IL1RAPL1: variants seen among roughly 807,000 people sequenced by gnomAD.
The protein encoded by IL1RAPL1 is interleukin 1 receptor accessory protein like 1.
Under a neutral mutation model 48.4 loss-of-function variants are expected in IL1RAPL1, and 3 were observed. The ratio of observed to expected loss-of-function variants is 0.06; its 90% CI spans 0.03 to 0.16. IL1RAPL1 has a LOEUF of 0.16. IL1RAPL1 is among the 10% of genes least tolerant of loss of function. IL1RAPL1 has a pLI of 1.00. For synonymous variants in IL1RAPL1, 185 were observed against 187.7 expected (o/e 0.99, Z 0.12); for missense variants, 349 against 530.6 (o/e 0.66, Z 3.36).
chrX:29,547,656 A>G lies in IL1RAPL1; in HGVS notation c.704-120774A>G, dbSNP rs142756025. 1.4e-4 allele frequency among the ~76,000 whole-genome samples: 16 copies of G among 111,841 alleles called. No individual in the cohort carries two copies. The East Asian group carries it at 4.5e-3, about 31-fold the overall frequency. ...ATTATCTAAACTCTAAATCTATAAT[A>G]TGTCATTGGAAAGAAAAGGGTTCCG... On this transcript the variant is annotated intron_variant, in intron 5 of 10. Coordinates refer to ENST00000378993, the MANE Select transcript of IL1RAPL1 (RefSeq NM_014271.4).
At chrX:28,856,414 T>A (rs189133611) in intron 2 of IL1RAPL1, among the ~76,000 whole-genome samples, 1 of 112,037 alleles carries the variant, frequency 8.9e-6, no homozygotes, top group East Asian at 2.8e-4. Flanking sequence ...AGTACTATTT[T>A]GACACAGATA....
At chrX:29,271,005 A>ACTC (rs1932033398) in intron 2 of IL1RAPL1, among the ~76,000 whole-genome samples, 4 of 110,104 alleles carry the variant, frequency 3.6e-5, no homozygotes, top group African/African-American at 1.3e-4. Context: ...CAATGTTCAC[A>ACTC]CTCCTCCCAC....
intron 1 of IL1RAPL1, among the ~76,000 whole-genome samples, chrX:28,732,218 G>A (rs560809112): frequency 2.7e-5 from 3 of 112,262 alleles, no homozygotes; most frequent in East Asian, 5.6e-4. Context: ...TTATGAGATC[G>A]TTAAATTAAG....
chrX:29,036,714 A>G (rs768821749), intron 2 of IL1RAPL1, among the ~76,000 whole-genome samples: 6 of 111,413 alleles, frequency 5.4e-5, no homozygotes, highest in African/African-American at 2.0e-4. Context: ...TTCTTCATCT[A>G]ATTCACCAAA....
chrX:29,140,879 C>T lies in IL1RAPL1; in HGVS notation c.83-142059C>T, dbSNP rs148741949. On this transcript the variant is annotated intron_variant, in intron 2 of 10. Coordinates refer to ENST00000378993, the MANE Select transcript of IL1RAPL1 (RefSeq NM_014271.4). ...TTATGACCTAATTACCTGCTAAACA[C>T]CCCATCTCTTAATACTGTTACATTG... Among the ~76,000 whole-genome samples the T allele has an allele frequency of 6.4e-3, 710 of 111,269 alleles. 7 individuals are homozygous for T. Among genetic ancestry groups the T allele is most frequent in the African/African-American group, 0.022 (667 of 30,600 alleles).
At chrX:29,404,751 C>T (rs1465721136) in intron 5 of IL1RAPL1, among the ~76,000 whole-genome samples, 1 of 111,888 alleles carries the variant, frequency 8.9e-6, no homozygotes, top group Non-Finnish European at 1.9e-5. Flanking sequence ...AGTTTCTATT[C>T]CATACACTTT....
intron 5 of IL1RAPL1, among the ~76,000 whole-genome samples, chrX:29,656,777 C>T (rs754400398): frequency 1.4e-4 from 16 of 111,085 alleles, no homozygotes; most frequent in African/African-American, 2.9e-4. Context: ...TCTGAAGTTC[C>T]GGAATGGCTT....
At chrX:29,050,128 A>G (rs1927061007) in intron 2 of IL1RAPL1, among the ~76,000 whole-genome samples, 1 of 111,387 alleles carries the variant, frequency 9.0e-6, no homozygotes, top group South Asian at 3.8e-4. Context: ...CCCAGGCTGG[A>G]TTTGAATTCC....
At chrX:29,557,671 C>G (rs1452721721) in intron 5 of IL1RAPL1, among the ~76,000 whole-genome samples, 2 of 111,476 alleles carry the variant, frequency 1.8e-5, no homozygotes, top group East Asian at 5.6e-4. Context: ...AACATCTCCC[C>G]ATTTTCCCTA....
rs187913494 is a variant in IL1RAPL1, at chrX:29,930,530, G to A, written c.1057+10436G>A. On this transcript the variant is annotated intron_variant, in intron 8 of 10. Transcript: ENST00000378993. ...GAGATGCATTAAATAATTTAGTGAA[G>A]TATTAACAGTGGTTACCTCGAGGTG... Among the ~76,000 whole-genome samples, 791 of 111,798 alleles carry A rather than the reference G, an allele frequency of 7.1e-3. 2 individuals carry two copies. Among genetic ancestry groups the A allele is most frequent in the Middle Eastern group, 0.018 (4 of 218 alleles).
intron 5 of IL1RAPL1, among the ~76,000 whole-genome samples, chrX:29,577,217 T>C (rs772953748): frequency 8.9e-6 from 1 of 112,203 alleles, no homozygotes; most frequent in South Asian, 3.7e-4. Flanking sequence ...TCTTTGCATT[T>C]TCAGTAGTGT....
At chrX:29,888,811 CAG>C (rs917696820) in intron 6 of IL1RAPL1, among the ~76,000 whole-genome samples, 1 of 111,599 alleles carries the variant, frequency 9.0e-6, no homozygotes, top group Non-Finnish European at 1.9e-5. Flanking sequence ...AGAAAAATAA[CAG>C]AGGTAATCTG....
chrX:28,607,026 C>A (rs764462103), intron 1 of IL1RAPL1, among the ~76,000 whole-genome samples: 1 of 110,082 alleles, frequency 9.1e-6, no homozygotes, highest in Non-Finnish European at 1.9e-5. Context: ...ATAGTTATAA[C>A]GGAAAGTCTT....
intron 1 of IL1RAPL1, among the ~76,000 whole-genome samples, chrX:28,631,298 G>A (rs1257981572): frequency 8.9e-6 from 1 of 111,827 alleles, no homozygotes; most frequent in Non-Finnish European, 1.9e-5. Flanking sequence ...GAAATAAATA[G>A]TATAGGTGAG....
chrX:29,192,989 GTAT>G (rs1021857411), intron 2 of IL1RAPL1, among the ~76,000 whole-genome samples: 1 of 110,401 alleles, frequency 9.1e-6, no homozygotes, highest in Non-Finnish European at 1.9e-5. Flanking sequence ...CCAAAGAATA[GTAT>G]TATTATTATT....
chrX:28,655,290 C>T (rs570641728), intron 1 of IL1RAPL1, among the ~76,000 whole-genome samples: 14 of 108,512 alleles, frequency 1.3e-4, no homozygotes, highest in South Asian at 7.9e-4. Flanking sequence ...ATAAATGAAA[C>T]GAACAAAAAT....
At chrX:28,876,855 A>C (rs1198483879) in intron 2 of IL1RAPL1, among the ~76,000 whole-genome samples, 1 of 112,023 alleles carries the variant, frequency 8.9e-6, no homozygotes, top group Non-Finnish European at 1.9e-5. Context: ...CACAAGAATA[A>C]AACTGATTTT....
chrX:29,522,909 G>T (rs906121182), intron 5 of IL1RAPL1, among the ~76,000 whole-genome samples: 16 of 110,522 alleles, frequency 1.4e-4, no homozygotes, highest in African/African-American at 5.3e-4. Flanking sequence ...TCTCTCATCT[G>T]TGTTCTCTCT....
chrX:29,145,209 A>T lies in IL1RAPL1; in HGVS notation c.83-137729A>T, dbSNP rs562898951. On this transcript the variant is annotated intron_variant, in intron 2 of 10. Transcript: ENST00000378993. The stretch of plus-strand genomic sequence containing the variant: ...TGGGGGTATTTCTGAAAATCAGTAA[A>T]GACTATGCACAGCCATTTTATGTTT... 7.1e-5 allele frequency among the ~76,000 whole-genome samples: 8 copies of T among 112,071 alleles called. No individual in the cohort carries two copies. The East Asian group carries it at 2.0e-3, about 28-fold the overall frequency.
Sources: allele counts gnomAD v4.1 joint callset (sites outside exome capture counted in the v4.1 genomes callset), GRCh38; gene constraint gnomAD v4.1.1; transcripts MANE v1.5; gene names NCBI Gene and HGNC (gene_info 2026-07-23, HGNC 2026-07-21).